The following THBS4 variants were observed in gnomAD, a reference collection of about 807,000 sequenced individuals.
THBS4 encodes thrombospondin 4.
Under a neutral mutation model 115.7 loss-of-function variants are expected in THBS4, and 90 were observed. The observed-to-expected ratio is 0.78, with a 90% CI of 0.66 to 0.93. THBS4 has a LOEUF of 0.93. Among genes scored for constraint, THBS4 ranks in the 40% least tolerant of loss-of-function variants. The pLI, the probability that THBS4 is intolerant of heterozygous loss-of-function variation, is 0.00. For missense variants in THBS4, 1,087 were observed against 1,232.7 expected (o/e 0.88, Z 1.77); for synonymous variants, 460 against 479.3 (o/e 0.96, Z 0.53).
intron 1 of THBS4, among the ~76,000 whole-genome samples, chr5:79,994,991 G>T (rs1831762469): frequency 6.6e-6 from 1 of 152,192 alleles, no homozygotes; most frequent in East Asian, 1.9e-4. Flanking sequence ...ACAGAGTAAG[G>T]CATTGCATAT....
intron 2 of THBS4, among the ~76,000 whole-genome samples, chr5:80,054,181 G>T (rs1346768407): frequency 2.9e-5 from 4 of 140,082 alleles, no homozygotes; most frequent in Non-Finnish European, 6.1e-5. Context: ...TTTTGAGACA[G>T]GATCGCTCTT....
chr5:80,078,822 C>A, intron 17 of THBS4, 99 bp from the exon 18 acceptor site: 1 of 1,067,468 alleles, frequency 9.4e-7, no homozygotes, highest in South Asian at 1.8e-5. Context: ...GGTCAGACAT[C>A]ACTGGCCACT....
intron 2 of THBS4, among the ~76,000 whole-genome samples, chr5:80,047,168 T>A (rs1034596853): frequency 8.5e-5 from 13 of 152,194 alleles, no homozygotes; most frequent in African/African-American, 3.1e-4. Context: ...GTGATGCAAC[T>A]GTTTATAAAA....
intron 2 of THBS4, among the ~76,000 whole-genome samples, chr5:80,001,418 C>CA (rs769753677): frequency 7.9e-5 from 12 of 152,180 alleles, no homozygotes; most frequent in Non-Finnish European, 1.5e-4. Context: ...TAAATGCTGG[C>CA]ACCAGTGATA....
intron 1 of THBS4, among the ~76,000 whole-genome samples, chr5:80,039,067 T>C (rs1004796574): frequency 9.2e-5 from 14 of 152,242 alleles, no homozygotes; most frequent in Admixed American, 2.0e-4. Flanking sequence ...TGCCTTTTCA[T>C]ATTCCTTGCC....
intron 9 of THBS4, chr5:80,067,011 A>G (rs2112122440): frequency 6.6e-6 from 1 of 152,340 alleles, no homozygotes; most frequent in Non-Finnish European, 1.5e-5. Context: ...ATTAAACAAT[A>G]TATATACTTC....
At chr5:79,991,986 A>G (rs760329895) in intron 1 of THBS4, among the ~76,000 whole-genome samples, 4 of 152,226 alleles carry the variant, frequency 2.6e-5, no homozygotes, top group Non-Finnish European at 5.9e-5. Context: ...GTGCAGCCAC[A>G]CAAGGCTCTG....
At chr5:80,011,199 C>T (rs1832118210) in intron 2 of THBS4, among the ~76,000 whole-genome samples, 1 of 152,212 alleles carries the variant, frequency 6.6e-6, no homozygotes, top group Non-Finnish European at 1.5e-5. Flanking sequence ...CTTGCTTCTC[C>T]TTGCCTTCTG....
chr5:80,048,581 A>G (rs1387043440), intron 2 of THBS4, among the ~76,000 whole-genome samples: 2 of 151,804 alleles, frequency 1.3e-5, no homozygotes, highest in African/African-American at 4.8e-5. Context: ...CAAAACACAA[A>G]GTCCTCTGCA....
rs558632577 is a variant in THBS4, at chr5:80,035,437, G to T, written c.-101G>T. 7.5e-6 allele frequency: 6 copies of T among 800,660 alleles called. No individual in the cohort carries two copies. In the East Asian group the frequency reaches 2.2e-4, roughly 30 times the overall value. The allele number at this position is 800,660 out of a possible 1,614,324, so 49.6% of individuals were successfully genotyped here. On this transcript the variant is annotated 5_prime_UTR_variant, in exon 1 of 22. Coordinates refer to ENST00000350881, the MANE Select transcript of THBS4 (RefSeq NM_003248.6). The surrounding 1 kb of genome is among the most constrained non-coding windows in gnomAD (Gnocchi z 4.6). ...CCGAGCACGGGTCACCTGCGGCGCC[G>T]GCCCGGGCGCCGACCGAGGTTCAAC...
intron 2 of THBS4, among the ~76,000 whole-genome samples, chr5:80,000,521 A>G (rs549771004): frequency 2.1e-4 from 32 of 151,896 alleles, no homozygotes; most frequent in African/African-American, 7.5e-4. Flanking sequence ...CTAATATGTC[A>G]TGCCTTCTGT....
At chr5:80,072,590 G>A in intron 14 of THBS4, 194 bp downstream of exon 14, 1 of 596,974 alleles carries the variant, frequency 1.7e-6, no homozygotes, top group Non-Finnish European at 3.0e-6. Flanking sequence ...GAAGCCCTAG[G>A]GACTATCTCC....
At chr5:80,066,755 G>A (rs753776995) in intron 9 of THBS4, 2 of 152,224 alleles carry the variant, frequency 1.3e-5, no homozygotes, top group Non-Finnish European at 2.9e-5. Context: ...GGACAAAGTA[G>A]TCTGCAAATA....
rs1023222767 is a variant in THBS4, at chr5:80,015,655, G to A, written n.177+17228G>A. Among the ~76,000 whole-genome samples, 5 of 152,106 alleles carry A rather than the reference G, an allele frequency of 3.3e-5. No individual in the cohort carries two copies. In the South Asian group the frequency reaches 6.2e-4, roughly 19 times the overall value. On this transcript the variant is annotated intron_variant and non_coding_transcript_variant, in intron 2 of 3. Coordinates refer to the THBS4 transcript ENST00000510218. ...ATGATTGCTGGTTGTCAACATTCAC[G>A]GAGAAGGTCCCTGGGGAAGGTCAGC... is the stretch of plus-strand genomic sequence containing the variant.
Position 80,027,104 on chromosome 5 carries a change from CCTT to C in THBS4, n.178-12969_178-12967del, listed in dbSNP as rs546813927. Reference sequence around the variant, plus strand: ...CATTGGCAATAATCCATTCCCTTCTCCTTCTTTCTTCCTGGTAGAGTCCACCTC... The same window carrying C: ...CATTGGCAATAATCCATTCCCTTCTCCTTTCTTCCTGGTAGAGTCCACCTC... On this transcript the variant is annotated intron_variant and non_coding_transcript_variant, in intron 2 of 3. Transcript: ENST00000510218. Among the ~76,000 whole-genome samples, 374 of 152,328 alleles carry C rather than the reference CCTT, an allele frequency of 2.5e-3. 5 individuals carry two copies. Among genetic ancestry groups the C allele is most frequent in the Non-Finnish European group, 1.4e-3 (98 of 68,024 alleles).
intron 9 of THBS4, among the ~76,000 whole-genome samples, chr5:80,065,719 T>G (rs962312866): frequency 8.5e-5 from 13 of 152,246 alleles, no homozygotes; most frequent in Non-Finnish European, 1.3e-4. Flanking sequence ...GTTGCAATAT[T>G]AGGCTATTAG....
intron 4 of THBS4, among the ~76,000 whole-genome samples, 183 bp from the exon 5 acceptor site, chr5:80,058,521 TAGTC>T (rs1206804741): frequency 2.0e-5 from 3 of 152,092 alleles, no homozygotes; most frequent in African/African-American, 4.8e-5. Context: ...AATTTAGACT[TAGTC>T]AGTGGCATCA....
rs148902988 is a variant in THBS4, at chr5:79,993,680, A to T, written n.81+2268A>T. On this transcript the variant is annotated intron_variant and non_coding_transcript_variant, in intron 1 of 3. Coordinates refer to the THBS4 transcript ENST00000510218. ...GGTGATAGTCATCTGAACTCAGGCA[A>T]CCTGACCTTGGCATCCATACCCATC... Among the ~76,000 whole-genome samples, 21 of 152,320 alleles carry T rather than the reference A, an allele frequency of 1.4e-4. No homozygotes were observed. The East Asian group carries it at 4.1e-3, about 29-fold the overall frequency.
chr5:80,073,402 G>A, intron 15 of THBS4, 75 bp downstream of exon 15: 1 of 1,163,328 alleles, frequency 8.6e-7, no homozygotes, highest in Admixed American at 2.0e-5. Flanking sequence ...TTTTTTTTTT[G>A]AGGCGGAGTC....
Sources: gnomAD v4.1 joint callset for allele counts (sites outside exome capture counted in the v4.1 genomes callset) on GRCh38, gnomAD v4.1.1 for gene constraint, Gnocchi (gnomAD v3.1) non-coding constraint, MANE v1.5 for transcripts, NCBI Gene and HGNC (gene_info 2026-07-23, HGNC 2026-07-21) for gene names.